Variants in KCNK10 observed in about 807,000 individuals in gnomAD.
KCNK10 encodes potassium two pore domain channel subfamily K member 10, also known as potassium channel subfamily K member 10.
Under a neutral mutation model 47.7 loss-of-function variants are expected in KCNK10, and 25 were observed. The ratio of observed to expected loss-of-function variants is 0.52; its 90% CI spans 0.38 to 0.73. The LOEUF (loss-of-function observed/expected upper bound fraction) is 0.73. Ranked by LOEUF, KCNK10 falls within the 30% of genes least tolerant of loss-of-function variation. The pLI is 0.00. For missense variants in KCNK10, 563 were observed against 714.5 expected, an observed-to-expected ratio of 0.79 and a Z score of 2.42; for synonymous variants, 303 against 285.6, an observed-to-expected ratio of 1.06 and a Z score of -0.61.
chr14:88,241,519 C>T (rs192733025), intron 2 of KCNK10, among the ~76,000 whole-genome samples: 111 of 146,216 alleles, frequency 7.6e-4, no homozygotes, highest in African/African-American at 2.6e-3. Flanking sequence ...ACACACACAT[C>T]GCTCTTTTTA....
chr14:88,284,618 G>T (rs1333111981), intron 1 of KCNK10, among the ~76,000 whole-genome samples: 2 of 152,172 alleles, frequency 1.3e-5, no homozygotes, highest in Non-Finnish European at 2.9e-5. Context: ...ATCCAGCACG[G>T]GAGAAAGATG....
intron 1 of KCNK10, among the ~76,000 whole-genome samples, chr14:88,296,515 G>A (rs747258583): frequency 3.4e-4 from 52 of 152,174 alleles, no homozygotes; most frequent in Non-Finnish European, 5.6e-4. Flanking sequence ...ATCTCTCTTG[G>A]TATGAGTCCT....
chr14:88,310,997 AT>A (rs1258906279), intron 1 of KCNK10, among the ~76,000 whole-genome samples: 1 of 152,228 alleles, frequency 6.6e-6, no homozygotes, highest in Admixed American at 6.5e-5. Flanking sequence ...GCCAGGGAAA[AT>A]ATCATTTTAA....
rs1277195646 is a variant in KCNK10 at position 88,260,241 on chromosome 14, C to T, written c.402+2961G>A. Among the ~76,000 whole-genome samples the T allele has an allele frequency of 6.6e-6, 1 of 152,174 alleles. No individual in the cohort carries two copies. Among genetic ancestry groups the T allele is most frequent in the Non-Finnish European group, 1.5e-5 (1 of 68,032 alleles). On this transcript the variant is annotated intron_variant, in intron 2 of 6. Transcript: ENST00000319231. The surrounding 1 kb of genome is among the most constrained non-coding windows in gnomAD (Gnocchi z 4.5). ...TACAGGTGTAAGCCACCGCGCCAGGCCAAGATATGGTTGTTTAAAAGTGTG... is the reference window on the plus strand; with the variant it reads ...TACAGGTGTAAGCCACCGCGCCAGGTCAAGATATGGTTGTTTAAAAGTGTG...
chr14:88,298,028 C>T (rs1888022526), intron 1 of KCNK10, among the ~76,000 whole-genome samples: 1 of 152,034 alleles, frequency 6.6e-6, no homozygotes, highest in Non-Finnish European at 1.5e-5. Flanking sequence ...GGCAGAATTG[C>T]ATCCACAGCC....
At chr14:88,301,777 G>A (rs1332932165) in intron 1 of KCNK10, among the ~76,000 whole-genome samples, 3 of 152,178 alleles carry the variant, frequency 2.0e-5, no homozygotes, top group Non-Finnish European at 4.4e-5. Flanking sequence ...TGGAAAGGAG[G>A]TCAGCACAGC....
intron 1 of KCNK10, among the ~76,000 whole-genome samples, chr14:88,309,497 G>C (rs1177375152): frequency 6.6e-6 from 1 of 152,206 alleles, no homozygotes; most frequent in Non-Finnish European, 1.5e-5. Context: ...AGCTACTCAG[G>C]AGGCTGAGGT....
At chr14:88,191,842 A>T (rs898195380) in intron 5 of KCNK10, among the ~76,000 whole-genome samples, 1 of 152,202 alleles carries the variant, frequency 6.6e-6, no homozygotes, top group Admixed American at 6.5e-5. Context: ...TGCAGACCAA[A>T]TTCTATGCTA....
At chr14:88,219,915 G>A (rs1158446582) in intron 4 of KCNK10, among the ~76,000 whole-genome samples, 1 of 152,170 alleles carries the variant, frequency 6.6e-6, no homozygotes, top group Admixed American at 6.5e-5. Flanking sequence ...GTCCATTATG[G>A]CAATACTATC....
intron 4 of KCNK10, among the ~76,000 whole-genome samples, chr14:88,215,600 C>G (rs773730228): frequency 1.3e-5 from 2 of 152,148 alleles, no homozygotes; most frequent in Admixed American, 6.5e-5. Context: ...AGTATTATCT[C>G]AACAAAATCC....
At chr14:88,251,837 C>G in intron 2 of KCNK10, among the ~76,000 whole-genome samples, 1 of 152,200 alleles carries the variant, frequency 6.6e-6, no homozygotes, top group East Asian at 1.9e-4. Flanking sequence ...GCTCACTTCT[C>G]TCAAGTCCTC....
chr14:88,259,841 T>C (rs1197170384), intron 2 of KCNK10, among the ~76,000 whole-genome samples: 2 of 152,194 alleles, frequency 1.3e-5, no homozygotes, highest in African/African-American at 4.8e-5. Context: ...CATGTTGAAT[T>C]GTAATCCCCA....
intron 1 of KCNK10, among the ~76,000 whole-genome samples, chr14:88,319,528 C>T (rs1888500525): frequency 6.6e-6 from 1 of 152,186 alleles, no homozygotes; most frequent in Non-Finnish European, 1.5e-5. Context: ...CCAGTAGTCA[C>T]TGACTTGCCC....
intron 4 of KCNK10, among the ~76,000 whole-genome samples, chr14:88,196,439 TG>T (rs1195138249): frequency 1.3e-5 from 2 of 152,236 alleles, no homozygotes; most frequent in East Asian, 3.8e-4. Flanking sequence ...TGTCTGTTTT[TG>T]TTTACTTCCA....
chr14:88,192,603 G>A (rs1884785563), intron 4 of KCNK10, among the ~76,000 whole-genome samples, 193 bp from the exon 5 acceptor site: 1 of 152,164 alleles, frequency 6.6e-6, no homozygotes, highest in South Asian at 2.1e-4. Context: ...AGTGGTCTAG[G>A]AGGTTCTCAG....
intron 1 of KCNK10, among the ~76,000 whole-genome samples, chr14:88,265,658 C>T (rs1032796948): frequency 6.6e-6 from 1 of 152,214 alleles, no homozygotes; most frequent in African/African-American, 2.4e-5. Flanking sequence ...GCTGTGTCCC[C>T]ACCCAAATCT....
intron 4 of KCNK10, among the ~76,000 whole-genome samples, chr14:88,203,491 G>A (rs1885168718): frequency 2.6e-5 from 4 of 152,352 alleles, no homozygotes; most frequent in Admixed American, 2.6e-4. Context: ...CCCTGGAACA[G>A]GCCTGGAATT....
intron 2 of KCNK10, among the ~76,000 whole-genome samples, chr14:88,253,898 G>T (rs112304814): frequency 0.01 from 1,550 of 152,248 alleles, 28 homozygotes; most frequent in African/African-American, 0.036. Flanking sequence ...ACGCCATCTT[G>T]GGGGCAGAGA....
chr14:88,186,276 A>T lies in KCNK10; in HGVS notation c.1012-121T>A. The T allele has an allele frequency of 1.7e-6, 2 of 1,203,850 alleles. No homozygotes were observed. Among genetic ancestry groups the T allele is most frequent in the South Asian group, 3.3e-5 (2 of 61,092 alleles). The allele number at this position is 1,203,850 out of a possible 1,614,324, so 74.6% of individuals were successfully genotyped here. A position where few individuals can be genotyped will look rare whatever the true frequency, so the allele number is the denominator to read the frequency against. On this transcript the variant is annotated intron_variant, in intron 6 of 6. Transcript: ENST00000319231. This position sits in a 1 kb window ranked among gnomAD's most constrained non-coding sequence, Gnocchi z 5.5. ...CCAGGAGGTGACGGAGCACATGCCC[A>T]GGGGGAGGTGCAAATGCTACCTTCT...
Sources: allele counts gnomAD v4.1 joint callset (sites outside exome capture counted in the v4.1 genomes callset), GRCh38; gene constraint gnomAD v4.1.1; non-coding constraint Gnocchi (gnomAD v3.1); transcripts MANE v1.5; gene names NCBI Gene and HGNC (gene_info 2026-07-23, HGNC 2026-07-21).